Variants in CCDC102B observed in about 807,000 individuals in gnomAD.
CCDC102B encodes coiled-coil domain containing 102B, also known as coiled-coil domain-containing protein 102B.
CCDC102B carries 75 observed loss-of-function variants against 57.4 expected under a neutral mutation model. That is an observed-to-expected ratio of 1.31 (90% confidence interval 1.08 to 1.58). CCDC102B has a LOEUF of 1.58. CCDC102B is among the 40% of genes most tolerant of loss of function. The pLI is 0.00. For missense variants in CCDC102B, 636 were observed against 582.6 expected, an observed-to-expected ratio of 1.09 and a Z score of -0.94; for synonymous variants, 206 against 201.9, an observed-to-expected ratio of 1.02 and a Z score of -0.17.
chr18:68,963,238 A>G (rs963135791), intron 6 of CCDC102B, among the ~76,000 whole-genome samples: 10 of 152,008 alleles, frequency 6.6e-5, no homozygotes, highest in Non-Finnish European at 1.2e-4. Flanking sequence ...CAAAAATCAA[A>G]CAGAAATGGT....
chr18:68,838,778 TTCA>T lies in CCDC102B; in HGVS notation c.680_682del (p.Phe227_Asn228delinsTyr). 1.9e-6 allele frequency: 3 copies of T among 1,613,988 alleles called. No individual in the cohort carries two copies. The highest frequency in any genetic ancestry group is 2.5e-6 in the Non-Finnish European group (3 of 1,179,906). Reference sequence around the variant, plus strand: ...GCCCAATCTAGATGGTGTTGATTTATTCAACAATGGTGGTTCTGGAAACGGTGA... The same window carrying T: ...GCCCAATCTAGATGGTGTTGATTTATACAATGGTGGTTCTGGAAACGGTGA... On this transcript the variant is annotated inframe_deletion, in exon 3 of 8. Coordinates refer to ENST00000360242, the MANE Select transcript of CCDC102B (RefSeq NM_024781.3).
chr18:68,868,215 A>G (rs1197869151), intron 4 of CCDC102B, among the ~76,000 whole-genome samples: 4 of 152,182 alleles, frequency 2.6e-5, no homozygotes, highest in Non-Finnish European at 4.4e-5. Flanking sequence ...AAATAAATCA[A>G]CAATTTTAAC....
chr18:69,050,226 A>C (rs1388323378), intron 7 of CCDC102B, among the ~76,000 whole-genome samples: 2 of 152,200 alleles, frequency 1.3e-5, no homozygotes, highest in Non-Finnish European at 2.9e-5. Flanking sequence ...TCAATTTGTG[A>C]GTATACAGGA....
intron 6 of CCDC102B, among the ~76,000 whole-genome samples, chr18:69,008,209 T>G (rs1396134871): frequency 6.6e-5 from 10 of 152,244 alleles, no homozygotes; most frequent in Admixed American, 6.5e-4. Flanking sequence ...ATTACATGTT[T>G]CTTTGTAAAA....
chr18:68,729,862 A>C (rs2032779091), intron 2 of CCDC102B, among the ~76,000 whole-genome samples: 2 of 152,238 alleles, frequency 1.3e-5, no homozygotes, highest in South Asian at 4.1e-4. Context: ...TGTTATGTGC[A>C]ACTAAGTAAC....
intron 4 of CCDC102B, among the ~76,000 whole-genome samples, chr18:68,856,942 CACAT>C (rs1395025673): frequency 3.4e-5 from 5 of 145,552 alleles, no homozygotes; most frequent in East Asian, 2.0e-4. Flanking sequence ...AGCATACACA[CACAT>C]ACAGTCTATA....
intron 4 of CCDC102B, among the ~76,000 whole-genome samples, chr18:68,862,354 G>C (rs1021513796): frequency 3.9e-5 from 6 of 152,108 alleles, no homozygotes; most frequent in Admixed American, 1.3e-4. Flanking sequence ...TTGGATTGTT[G>C]AAACAGGCAC....
chr18:68,780,292 A>C (rs1568246091), intron 2 of CCDC102B, among the ~76,000 whole-genome samples: 1 of 152,028 alleles, frequency 6.6e-6, no homozygotes, highest in Non-Finnish European at 1.5e-5. Flanking sequence ...CTTTTTGGCC[A>C]TTATGCATAA....
At chr18:68,983,678 T>G (rs1008992078) in intron 6 of CCDC102B, among the ~76,000 whole-genome samples, 1 of 152,084 alleles carries the variant, frequency 6.6e-6, no homozygotes, top group Non-Finnish European at 1.5e-5. Flanking sequence ...CATTACAATG[T>G]GTTTACTAGG....
At chr18:68,783,544 T>C (rs1213107147) in intron 2 of CCDC102B, among the ~76,000 whole-genome samples, 1 of 152,188 alleles carries the variant, frequency 6.6e-6, no homozygotes, top group Non-Finnish European at 1.5e-5. Flanking sequence ...TATACCTCAT[T>C]GGTTTGGGTT....
exon 1 of CCDC102B, chr18:68,715,263 G>A: frequency 1.5e-6 from 2 of 1,325,804 alleles, no homozygotes; most frequent in South Asian, 1.7e-5. Context: ...CAGGAGCGTG[G>A]GAACCCTGCT....
chr18:69,016,415 A>G (rs1204078119), intron 7 of CCDC102B, among the ~76,000 whole-genome samples: 3 of 152,190 alleles, frequency 2.0e-5, no homozygotes, highest in East Asian at 1.9e-4. Flanking sequence ...CTACAGAACT[A>G]GTGTCAGGAA....
chr18:68,788,347 G>A (rs71428799), intron 2 of CCDC102B, among the ~76,000 whole-genome samples: 4 of 149,288 alleles, frequency 2.7e-5, no homozygotes, highest in South Asian at 2.1e-4. Flanking sequence ...TATTAGGTCC[G>A]CTTGGTGCAG....
chr18:68,961,109 T>G (rs531553263), intron 6 of CCDC102B, among the ~76,000 whole-genome samples: 1 of 152,208 alleles, frequency 6.6e-6, no homozygotes, highest in South Asian at 2.1e-4. Context: ...ATTTTATTTA[T>G]GTAGATTTGT....
chr18:68,789,198 T>C (rs575439139), intron 2 of CCDC102B, among the ~76,000 whole-genome samples: 3 of 152,172 alleles, frequency 2.0e-5, no homozygotes, highest in Admixed American at 6.5e-5. Flanking sequence ...CCGAGAGATC[T>C]GCTGTTAGTC....
At chr18:68,901,861 A>G (rs1241210165) in intron 6 of CCDC102B, among the ~76,000 whole-genome samples, 1 of 152,188 alleles carries the variant, frequency 6.6e-6, no homozygotes, top group Non-Finnish European at 1.5e-5. Flanking sequence ...TCCTCAGGTC[A>G]TGAAATAGCC....
chr18:68,765,530 A>C (rs1031083886), intron 2 of CCDC102B, among the ~76,000 whole-genome samples: 4 of 151,194 alleles, frequency 2.6e-5, no homozygotes, highest in Non-Finnish European at 5.9e-5. Context: ...AGAAATAGAA[A>C]GAGAAAATAA....
At chr18:68,833,880 G>C (rs1161148932) in intron 1 of CCDC102B, among the ~76,000 whole-genome samples, 1 of 152,002 alleles carries the variant, frequency 6.6e-6, no homozygotes, top group Non-Finnish European at 1.5e-5. Context: ...TGCAAAAATC[G>C]GTACAAGAAA....
At chr18:68,848,408 C>A (rs2037972048) in intron 4 of CCDC102B, among the ~76,000 whole-genome samples, 1 of 151,914 alleles carries the variant, frequency 6.6e-6, no homozygotes, top group African/African-American at 2.4e-5. Flanking sequence ...ACATGCCTGT[C>A]TAAGAACTGC....
Sources: gnomAD v4.1 joint callset for allele counts (sites outside exome capture counted in the v4.1 genomes callset) on GRCh38, gnomAD v4.1.1 for gene constraint, MANE v1.5 for transcripts, NCBI Gene and HGNC (gene_info 2026-07-23, HGNC 2026-07-21) for gene names.